Variants in TAFA2 observed in about 807,000 individuals in gnomAD.
TAFA2 encodes chemokine-like protein TAFA-2.
Under a neutral mutation model 18.8 loss-of-function variants are expected in TAFA2, and 7 were observed. The observed-to-expected ratio is 0.37, with a 90% confidence interval of 0.21 to 0.70. The LOEUF (loss-of-function observed/expected upper bound fraction) is 0.70, where lower values mean the gene tolerates loss of function less well. Among genes scored for constraint, TAFA2 ranks in the 30% least tolerant of loss-of-function variants. The pLI, the probability that TAFA2 is intolerant of heterozygous loss-of-function variation, is 0.53. For missense variants in TAFA2, 122 were observed against 158.1 expected, an observed-to-expected ratio of 0.77 and a Z score of 1.23; for synonymous variants, 60 against 54.2, an observed-to-expected ratio of 1.11 and a Z score of -0.47.
chr12:61,745,832 G>A (rs9651985), intron 4 of TAFA2, among the ~76,000 whole-genome samples: 5,089 of 151,948 alleles, frequency 0.033, 279 homozygotes, highest in African/African-American at 0.12. Flanking sequence ...TCTGTACCCC[G>A]AAAAGGCAGA....
intron 1 of TAFA2, among the ~76,000 whole-genome samples, chr12:62,155,963 G>A (rs2062366559): frequency 6.6e-6 from 1 of 152,160 alleles, no homozygotes; most frequent in South Asian, 2.1e-4. Context: ...TTAGACTGAA[G>A]AGCTTTTGCA....
intron 1 of TAFA2, among the ~76,000 whole-genome samples, chr12:62,055,671 C>T (rs1168010389): frequency 1.3e-5 from 2 of 152,122 alleles, no homozygotes; most frequent in Non-Finnish European, 1.5e-5. Flanking sequence ...TATTTTAGAT[C>T]GCCTTTTTCA....
rs568117258 is a variant in TAFA2 at position 61,710,048 on chromosome 12, C to A, written c.*358G>T. 1.6e-4 allele frequency: 40 copies of A among 248,962 alleles called. No individual in the cohort carries two copies. The highest frequency in any genetic ancestry group is 2.6e-4 in the Non-Finnish European group (33 of 128,890). The allele number at this position is 248,962 out of a possible 1,614,324, so 15.4% of individuals were successfully genotyped here. Reference sequence around the variant, plus strand: ...GACAGTGCACTTGGGATACAGCTTGCAGAAACAAGAAAAGTAGTCACATCT... The same window carrying A: ...GACAGTGCACTTGGGATACAGCTTGAAGAAACAAGAAAAGTAGTCACATCT... On this transcript the variant is annotated 3_prime_UTR_variant, in exon 5 of 5. Coordinates refer to ENST00000416284, the MANE Select transcript of TAFA2 (RefSeq NM_178539.5).
At chr12:61,906,427 T>C (rs1876356979) in intron 1 of TAFA2, among the ~76,000 whole-genome samples, 2 of 152,342 alleles carry the variant, frequency 1.3e-5, no homozygotes, top group Non-Finnish European at 2.9e-5. Flanking sequence ...GACGTGACTT[T>C]GTTCCTCCTT....
At chr12:62,106,900 T>C (rs1410327917) in intron 1 of TAFA2, among the ~76,000 whole-genome samples, 1 of 152,096 alleles carries the variant, frequency 6.6e-6, no homozygotes, top group Non-Finnish European at 1.5e-5. Context: ...TTTTTTATTA[T>C]TATTTCAGCA....
At chr12:61,831,204 G>GC (rs1872708999) in intron 2 of TAFA2, among the ~76,000 whole-genome samples, 1 of 152,006 alleles carries the variant, frequency 6.6e-6, no homozygotes, top group Non-Finnish European at 1.5e-5. Context: ...GGTATGTAAA[G>GC]ATTTGCAAAA....
chr12:62,105,941 C>T (rs1869428945), intron 1 of TAFA2, among the ~76,000 whole-genome samples: 1 of 152,196 alleles, frequency 6.6e-6, no homozygotes, highest in African/African-American at 2.4e-5. Context: ...AAGTTGCTAA[C>T]AGAGTTCCTA....
intron 1 of TAFA2, among the ~76,000 whole-genome samples, chr12:61,867,662 T>G (rs3759288): frequency 5.9e-5 from 9 of 151,952 alleles, no homozygotes; most frequent in African/African-American, 1.7e-4. Flanking sequence ...TCAGTCTTCA[T>G]CCACTTAACC....
At chr12:62,095,259 T>G (rs949476858) in intron 1 of TAFA2, among the ~76,000 whole-genome samples, 1 of 152,134 alleles carries the variant, frequency 6.6e-6, no homozygotes, top group African/African-American at 2.4e-5. Flanking sequence ...GCACTCAGGC[T>G]GCAAGTGAAA....
At chr12:61,905,347 G>C (rs566007984) in intron 1 of TAFA2, among the ~76,000 whole-genome samples, 1 of 152,184 alleles carries the variant, frequency 6.6e-6, no homozygotes, top group African/African-American at 2.4e-5. Flanking sequence ...TAAATTGTCA[G>C]TTCTTTTGAA....
At chr12:61,719,013 C>A (rs1043094212) in intron 4 of TAFA2, among the ~76,000 whole-genome samples, 1 of 152,134 alleles carries the variant, frequency 6.6e-6, no homozygotes, top group Non-Finnish European at 1.5e-5. Flanking sequence ...ACAAATGGCT[C>A]TTAGGGACAA....
At chr12:62,034,488 T>C (rs1881548533) in intron 1 of TAFA2, among the ~76,000 whole-genome samples, 1 of 152,206 alleles carries the variant, frequency 6.6e-6, no homozygotes, top group African/African-American at 2.4e-5. Context: ...ATAAATAGAT[T>C]AATCGTTTTA....
Position 61,828,449 on chromosome 12 carries a change from C to T in TAFA2, c.106+38871G>A, listed in dbSNP as rs571731499. ...GCCTCAACACATGGTCATAAATCCACATGTGTGTAGGCCACATTAAATACT... is the reference window on the plus strand; with the variant it reads ...GCCTCAACACATGGTCATAAATCCATATGTGTGTAGGCCACATTAAATACT... On this transcript the variant is annotated intron_variant, in intron 2 of 4. Coordinates refer to ENST00000416284, the MANE Select transcript of TAFA2 (RefSeq NM_178539.5). 3.9e-5 allele frequency among the ~76,000 whole-genome samples: 6 copies of T among 151,906 alleles called. No individual in the cohort carries two copies. The East Asian group carries it at 1.2e-3, about 29-fold the overall frequency.
intron 1 of TAFA2, among the ~76,000 whole-genome samples, chr12:61,916,688 C>T (rs1219788640): frequency 6.6e-6 from 1 of 152,060 alleles, no homozygotes. Flanking sequence ...TGCTTTCATC[C>T]CACTTTTATT....
chr12:61,809,808 A>T (rs1871789638), intron 2 of TAFA2, among the ~76,000 whole-genome samples: 1 of 151,300 alleles, frequency 6.6e-6, no homozygotes, highest in African/African-American at 2.5e-5. Context: ...ATGAAGAATC[A>T]AGTCCTTCTC....
At chr12:62,083,406 G>C (rs57504234) in intron 1 of TAFA2, among the ~76,000 whole-genome samples, 17,743 of 151,764 alleles carry the variant, frequency 0.12, 1,153 homozygotes, top group Non-Finnish European at 0.14. Flanking sequence ...ATACTTATTG[G>C]ACACCCCCTA....
chr12:61,925,016 C>T (rs1034984113), intron 1 of TAFA2, among the ~76,000 whole-genome samples: 4 of 152,084 alleles, frequency 2.6e-5, no homozygotes, highest in African/African-American at 7.2e-5. Context: ...GTAAAGGAAC[C>T]AATGCAACAA....
intron 1 of TAFA2, among the ~76,000 whole-genome samples, chr12:61,882,324 T>C (rs1291216291): frequency 6.6e-6 from 1 of 152,152 alleles, no homozygotes. Flanking sequence ...ATCTGCACTT[T>C]GGCGTCGGGA....
chr12:61,734,403 T>C (rs906842864), intron 4 of TAFA2, among the ~76,000 whole-genome samples: 9 of 147,266 alleles, frequency 6.1e-5, no homozygotes, highest in African/African-American at 2.0e-4. Flanking sequence ...TTAGGAGATA[T>C]ACCTAATACT....
Sources: allele counts gnomAD v4.1 joint callset (sites outside exome capture counted in the v4.1 genomes callset), GRCh38; gene constraint gnomAD v4.1.1; transcripts MANE v1.5; gene names NCBI Gene and HGNC (gene_info 2026-07-23, HGNC 2026-07-21).